The following PDE3A variants were observed in gnomAD, a reference collection of about 807,000 sequenced individuals.
The protein encoded by PDE3A is cGMP-inhibited 3',5'-cyclic phosphodiesterase 3A.
PDE3A carries 43 observed loss-of-function variants against 98.3 expected under a neutral mutation model. That is an observed-to-expected ratio of 0.44 (90% CI 0.34 to 0.56). PDE3A has a LOEUF of 0.56. PDE3A is among the 20% of genes least tolerant of loss of function. The pLI is 0.01. For synonymous variants in PDE3A, 663 were observed against 567.9 expected (o/e 1.17, Z -2.38); for missense variants, 1,427 against 1,440.7 (o/e 0.99, Z 0.15).
chr12:20,650,037 G>A (rs987328100), intron 13 of PDE3A, among the ~76,000 whole-genome samples: 4 of 152,014 alleles, frequency 2.6e-5, no homozygotes, highest in Non-Finnish European at 5.9e-5. Context: ...GTACATGGTA[G>A]GTATATATAT....
intron 1 of PDE3A, among the ~76,000 whole-genome samples, chr12:20,522,595 G>T (rs1227587590): frequency 6.6e-6 from 1 of 152,156 alleles, no homozygotes; most frequent in Non-Finnish European, 1.5e-5. Context: ...GAATATCTGG[G>T]AGGAAAGCTT....
chr12:20,421,184 G>T (rs1054193522), intron 1 of PDE3A, among the ~76,000 whole-genome samples: 1 of 152,066 alleles, frequency 6.6e-6, no homozygotes, highest in Non-Finnish European at 1.5e-5. Flanking sequence ...TTAAGGCACC[G>T]TAACATATTG....
At chr12:20,666,783 G>C (rs1339652106) in intron 15 of PDE3A, among the ~76,000 whole-genome samples, 2 of 152,076 alleles carry the variant, frequency 1.3e-5, no homozygotes, top group African/African-American at 4.8e-5. Context: ...CTTTTCCTTT[G>C]ATAAATACCC....
At chr12:20,413,311 A>T (rs1220931873) in intron 1 of PDE3A, among the ~76,000 whole-genome samples, 4 of 152,186 alleles carry the variant, frequency 2.6e-5, no homozygotes, top group African/African-American at 4.8e-5. Flanking sequence ...GAAGACTTGC[A>T]AGCTTGTGCA....
rs1025226750 is a variant in PDE3A at position 20,446,364 on chromosome 12, G to T, written c.960+76120G>T. On this transcript the variant is annotated intron_variant, in intron 1 of 15. Coordinates refer to ENST00000359062, the MANE Select transcript of PDE3A (RefSeq NM_000921.5). ...ACCATGTGTTGAGTGTTTTGAGATG[G>T]GGTGAGGGAAAACATTATTTTTCTG... Among the ~76,000 whole-genome samples the T allele has an allele frequency of 2.0e-5, 3 of 152,302 alleles. No individual in the cohort carries two copies. In the South Asian group the frequency reaches 6.2e-4, roughly 32 times the overall value.
At chr12:20,435,230 G>A (rs748550770) in intron 1 of PDE3A, among the ~76,000 whole-genome samples, 6 of 152,100 alleles carry the variant, frequency 3.9e-5, no homozygotes, top group Non-Finnish European at 7.4e-5. Context: ...ATTCTTGGTC[G>A]TGGAACATTT....
intron 1 of PDE3A, among the ~76,000 whole-genome samples, chr12:20,459,418 T>C (rs56378963): frequency 0.04 from 6,137 of 152,128 alleles, 168 homozygotes; most frequent in South Asian, 0.069. Flanking sequence ...AGGCAGAAAA[T>C]ATATAAAATA....
chr12:20,630,043 T>G lies in PDE3A; in HGVS notation c.1676T>G (p.Leu559Arg), dbSNP rs202137018. The G allele has an allele frequency of 6.2e-7, 1 of 1,614,002 alleles. No homozygotes were observed. The highest frequency in any genetic ancestry group is 1.3e-5 in the African/African-American group (1 of 75,012). Residue 559 changes from leucine (L) to arginine (R), a missense_variant, in exon 6 of 16, where the codon CTA (leucine) becomes CGA (arginine). Leu to Arg is a moderately radical substitution (Grantham distance 102). Around this residue, in one of 3 missense-constraint regions of PDE3A, gnomAD observed 1,012 missense variants for 886.5 expected, o/e 1.14. Coordinates refer to ENST00000359062, the MANE Select transcript of PDE3A (RefSeq NM_000921.5). ...ESADTTAKQSLGSHRALTYTQ... is the reference protein window; with the variant it reads ...ESADTTAKQSRGSHRALTYTQ... ...GCTGACACAACTGCCAAACAAAGCC[T>G]AGGTTCTCACAGGGCCTTAACTTAC...
At chr12:20,400,138 C>T (rs889358568) in intron 1 of PDE3A, among the ~76,000 whole-genome samples, 6 of 152,026 alleles carry the variant, frequency 3.9e-5, no homozygotes, top group African/African-American at 1.2e-4. Context: ...AGTCCAGGAG[C>T]CAGGGATGCA....
Position 20,637,107 on chromosome 12 carries a change from C to G in PDE3A, c.2009C>G (p.Pro670Arg). 6.2e-7 allele frequency: 1 copy of G among 1,604,172 alleles called. No individual in the cohort carries two copies. Among genetic ancestry groups the G allele is most frequent in the Non-Finnish European group, 8.5e-7 (1 of 1,175,904 alleles). ...TAATGTTAAACATTACAGGACAAACCAATTCTTGCTCCCGAACCTCTTGTC... is the reference window on the plus strand; with the variant it reads ...TAATGTTAAACATTACAGGACAAACGAATTCTTGCTCCCGAACCTCTTGTC... ...APETMMFLDK[P>R]ILAPEPLVMD... The change falls in exon 9 of 16, where the codon CCA becomes CGA. Residue 670 changes from proline to arginine, a missense_variant. Around this residue, in one of 3 missense-constraint regions of PDE3A, gnomAD observed 1,012 missense variants for 886.5 expected, o/e 1.14. Coordinates refer to ENST00000359062, the MANE Select transcript of PDE3A (RefSeq NM_000921.5).
chr12:20,539,642 A>G (rs1013372213), intron 1 of PDE3A, among the ~76,000 whole-genome samples: 1 of 152,066 alleles, frequency 6.6e-6, no homozygotes, highest in Admixed American at 6.6e-5. Flanking sequence ...GGATGAATGG[A>G]TAGATGGATG....
chr12:20,680,333 A>C lies in PDE3A; in HGVS notation c.*62A>C. 2 of 1,553,636 alleles carry C rather than the reference A, an allele frequency of 1.3e-6. No individual in the cohort carries two copies. Among genetic ancestry groups the C allele is most frequent in the East Asian group, 2.3e-5 (1 of 44,280 alleles). Reference sequence around the variant, plus strand: ...ACTTGTCAAAGACTCTCTTCAAGCCAGCACAACATTTAGACACAACACTGT... The same window carrying C: ...ACTTGTCAAAGACTCTCTTCAAGCCCGCACAACATTTAGACACAACACTGT... On this transcript the variant is annotated 3_prime_UTR_variant, in exon 16 of 16. Coordinates refer to ENST00000359062, the MANE Select transcript of PDE3A (RefSeq NM_000921.5).
At chr12:20,676,630 G>T (rs1299861943) in intron 15 of PDE3A, among the ~76,000 whole-genome samples, 2 of 151,380 alleles carry the variant, frequency 1.3e-5, no homozygotes, top group Non-Finnish European at 2.9e-5. Context: ...CTCCCGAGTA[G>T]CTGGGACTAC....
intron 2 of PDE3A, among the ~76,000 whole-genome samples, chr12:20,579,932 A>G (rs1239583216): frequency 6.6e-6 from 1 of 152,208 alleles, no homozygotes; most frequent in Non-Finnish European, 1.5e-5. Context: ...AAAAGTACCA[A>G]CTGAAAGGCT....
At chr12:20,409,216 T>C (rs73235877) in intron 1 of PDE3A, among the ~76,000 whole-genome samples, 4,766 of 152,248 alleles carry the variant, frequency 0.031, 240 homozygotes, top group African/African-American at 0.11. Context: ...ACATTCTTAA[T>C]AGTTGTTATA....
chr12:20,399,877 C>T (rs958804307), intron 1 of PDE3A, among the ~76,000 whole-genome samples: 20 of 152,148 alleles, frequency 1.3e-4, no homozygotes, highest in Non-Finnish European at 1.0e-4. Context: ...TTGAACATTG[C>T]TTTAAGCAAT....
chr12:20,485,563 G>A (rs1381207940), intron 1 of PDE3A, among the ~76,000 whole-genome samples: 1 of 152,050 alleles, frequency 6.6e-6, no homozygotes, highest in African/African-American at 2.4e-5. Flanking sequence ...ATAAGACAAA[G>A]TAAGATTATT....
chr12:20,677,138 A>G (rs1318976241), intron 15 of PDE3A, among the ~76,000 whole-genome samples: 1 of 151,970 alleles, frequency 6.6e-6, no homozygotes, highest in African/African-American at 2.4e-5. Context: ...AAACTTTTGA[A>G]TGTATTTTGT....
At chr12:20,615,266 A>G (rs1395099827) in intron 3 of PDE3A, among the ~76,000 whole-genome samples, 1 of 151,340 alleles carries the variant, frequency 6.6e-6, no homozygotes. Context: ...GTGATCCCAG[A>G]CTCTTGTCTC....
Sources: gnomAD v4.1 joint callset for allele counts (sites outside exome capture counted in the v4.1 genomes callset) on GRCh38, gnomAD v4.1.1 for gene constraint, gnomAD v4.1.1 regional missense constraint, MANE v1.5 for transcripts, NCBI Gene and HGNC (gene_info 2026-07-23, HGNC 2026-07-21) for gene names.